RBPJ: variants seen among roughly 807,000 people sequenced by gnomAD.
RBPJ encodes the protein recombination signal binding protein for immunoglobulin kappa J region.
RBPJ carries 9 observed loss-of-function variants against 67.8 expected under a neutral mutation model. The observed-to-expected ratio is 0.13, with a 90% CI of 0.08 to 0.23. RBPJ has a LOEUF of 0.23. Among genes scored for constraint, RBPJ ranks in the 10% least tolerant of loss-of-function variants. RBPJ has a pLI of 1.00. For synonymous variants in RBPJ, 198 were observed against 203.3 expected, an observed-to-expected ratio of 0.97 and a Z score of 0.22; for missense variants, 305 against 595.6, an observed-to-expected ratio of 0.51 and a Z score of 5.08.
chr4:26,151,930 AG>A, the RBPJ span, among the ~76,000 whole-genome samples: 1 of 152,186 alleles, frequency 6.6e-6, no homozygotes, highest in Non-Finnish European at 1.5e-5. Context: ...GGGACAGCTG[AG>A]CCTCTCCAGA....
intron 1 of RBPJ, among the ~76,000 whole-genome samples, chr4:26,351,579 C>G (rs544761641): frequency 6.6e-6 from 1 of 152,172 alleles, no homozygotes; most frequent in Non-Finnish European, 1.5e-5. Context: ...GAGGGTCTCA[C>G]CATGTTGCCC....
At chr4:26,117,238 C>T in the RBPJ span, among the ~76,000 whole-genome samples, 4 of 152,046 alleles carry the variant, frequency 2.6e-5, no homozygotes, top group Admixed American at 6.6e-5. Context: ...CGGCTACCCC[C>T]GCTCCCCACC....
chr4:26,294,171 C>T (rs553856408), intron 1 of RBPJ, among the ~76,000 whole-genome samples: 2 of 152,156 alleles, frequency 1.3e-5, no homozygotes, highest in East Asian at 1.9e-4. Flanking sequence ...CATCTCAGCT[C>T]ACTGCAACCT....
chr4:26,386,339 T>A lies in RBPJ; in HGVS notation c.21-14T>A. On this transcript the variant is annotated splice_polypyrimidine_tract_variant and intron_variant, in intron 1 of 10. Coordinates refer to ENST00000355476, the MANE Select transcript of RBPJ (RefSeq NM_015874.6). ...GCTTACTTAACTTTATTTTCTTTATTTTTTTTTTTCCAGGAAATTTGGTGA... is the reference window on the plus strand; with the variant it reads ...GCTTACTTAACTTTATTTTCTTTATATTTTTTTTTCCAGGAAATTTGGTGA... The A allele has an allele frequency of 8.0e-7, 1 of 1,248,014 alleles. No individual in the cohort carries two copies. The highest frequency in any genetic ancestry group is 1.0e-6 in the Non-Finnish European group (1 of 955,050). The allele number at this position is 1,248,014 out of a possible 1,614,324, so 77.3% of individuals were successfully genotyped here.
intron 1 of RBPJ, among the ~76,000 whole-genome samples, chr4:26,242,457 A>AAAAAG (rs1198891329): frequency 5.3e-5 from 8 of 151,332 alleles, no homozygotes; most frequent in Admixed American, 2.0e-4. Flanking sequence ...AAAAAAAAAA[A>AAAAAG]AAAAGAAAAG....
intron 1 of RBPJ, among the ~76,000 whole-genome samples, chr4:26,379,488 A>G (rs1367075173): frequency 2.6e-5 from 4 of 152,174 alleles, no homozygotes; most frequent in African/African-American, 9.7e-5. Flanking sequence ...CAGAAGGCAA[A>G]GGAGAGACAA....
At chr4:26,281,364 C>T (rs576148475) in intron 1 of RBPJ, among the ~76,000 whole-genome samples, 38 of 152,168 alleles carry the variant, frequency 2.5e-4, no homozygotes, top group African/African-American at 7.7e-4. Flanking sequence ...CTGCAACCTC[C>T]ACCTCCTGGG....
chr4:26,172,327 T>G (rs1716623080), intron 1 of RBPJ, among the ~76,000 whole-genome samples: 1 of 152,148 alleles, frequency 6.6e-6, no homozygotes. Flanking sequence ...GAAAAAAAAT[T>G]TGGACCACTT....
At chr4:26,215,196 A>AGG (rs1718646935) in intron 1 of RBPJ, among the ~76,000 whole-genome samples, 4 of 45,664 alleles carry the variant, frequency 8.8e-5, no homozygotes, top group African/African-American at 3.9e-4. Context: ...GAAGGAAGGA[A>AGG]AAAGAGAGAG....
chr4:26,362,473 A>G, intron 1 of RBPJ: 1 of 1,471,346 alleles, frequency 6.8e-7, no homozygotes. Flanking sequence ...CTATCATTCA[A>G]ATGGAAGCAT....
At chr4:26,377,950 C>G (rs1259732709) in intron 1 of RBPJ, among the ~76,000 whole-genome samples, 2 of 152,152 alleles carry the variant, frequency 1.3e-5, no homozygotes, top group Non-Finnish European at 1.5e-5. Flanking sequence ...TGCCCATTAT[C>G]ACTAATAATC....
chr4:26,225,578 C>T (rs1261768326), intron 1 of RBPJ, among the ~76,000 whole-genome samples: 7 of 152,000 alleles, frequency 4.6e-5, no homozygotes, highest in Non-Finnish European at 7.4e-5. Flanking sequence ...ACACAAAGAG[C>T]GAACCATGAT....
At chr4:26,341,078 A>C (rs1725473395) in intron 1 of RBPJ, among the ~76,000 whole-genome samples, 1 of 152,042 alleles carries the variant, frequency 6.6e-6, no homozygotes, top group Non-Finnish European at 1.5e-5. Context: ...ACATATTAAT[A>C]GTAGTTAAAG....
chr4:26,322,762 T>A (rs1036729754), intron 1 of RBPJ: 29 of 151,912 alleles, frequency 1.9e-4, no homozygotes, highest in African/African-American at 6.5e-4. Context: ...CGAGTTCTTA[T>A]TGTTTTGGTA....
intron 1 of RBPJ, among the ~76,000 whole-genome samples, chr4:26,350,577 A>G (rs1162400716): frequency 6.6e-6 from 1 of 152,200 alleles, no homozygotes; most frequent in African/African-American, 2.4e-5. Context: ...GGGACAAAAA[A>G]CCTACAACCT....
At chr4:26,219,401 G>A (rs1016810220) in intron 1 of RBPJ, among the ~76,000 whole-genome samples, 2 of 152,182 alleles carry the variant, frequency 1.3e-5, no homozygotes, top group African/African-American at 4.8e-5. Context: ...AAAATATGTT[G>A]GTGCTATCTC....
chr4:26,166,489 T>C (rs1716307905), intron 1 of RBPJ, among the ~76,000 whole-genome samples: 1 of 148,880 alleles, frequency 6.7e-6, no homozygotes, highest in Non-Finnish European at 1.5e-5. Context: ...CATTTTTTCA[T>C]GTGTTTTTTG....
At chr4:26,145,206 A>AC in the RBPJ span, among the ~76,000 whole-genome samples, 1 of 152,002 alleles carries the variant, frequency 6.6e-6, no homozygotes, top group East Asian at 1.9e-4. Context: ...AAATTTTACA[A>AC]CTATGCCTTC....
intron 2 of RBPJ, among the ~76,000 whole-genome samples, chr4:26,395,144 C>T (rs1731987519): frequency 6.6e-6 from 1 of 151,952 alleles, no homozygotes; most frequent in African/African-American, 2.4e-5. Context: ...GTAATAATAC[C>T]TTAAGGTGAA....
Sources: allele counts gnomAD v4.1 joint callset (sites outside exome capture counted in the v4.1 genomes callset), GRCh38; gene constraint gnomAD v4.1.1; transcripts MANE v1.5; gene names NCBI Gene and HGNC (gene_info 2026-07-23, HGNC 2026-07-21).